The following C8orf34 variants were observed in gnomAD, a reference collection of about 807,000 sequenced individuals.
C8orf34 encodes the protein uncharacterized protein C8orf34.
Under a neutral mutation model 68.3 loss-of-function variants are expected in C8orf34, and 65 were observed. The observed-to-expected ratio is 0.95, with a 90% CI of 0.78 to 1.17. The LOEUF is 1.17. Among genes scored for constraint, C8orf34 ranks in the 50% most tolerant of loss-of-function variants. The probability of loss-of-function intolerance (pLI) is 0.00; values close to 1 mark genes in which losing one functional copy is unlikely to be tolerated. For missense variants in C8orf34, 664 were observed against 655.4 expected (o/e 1.01, Z -0.14); for synonymous variants, 244 against 241.2 (o/e 1.01, Z -0.11).
chr8:68,457,521 G>A (rs1009479603), intron 3 of C8orf34, among the ~76,000 whole-genome samples: 9 of 152,136 alleles, frequency 5.9e-5, no homozygotes, highest in African/African-American at 1.9e-4. Flanking sequence ...TATATAGGCA[G>A]TATCTCAAAT....
chr8:68,813,517 T>A (rs1824719009), intron 12 of C8orf34, among the ~76,000 whole-genome samples: 1 of 152,288 alleles, frequency 6.6e-6, no homozygotes, highest in African/African-American at 2.4e-5. Context: ...GATTGGCAAA[T>A]TGATTGTTCT....
intron 6 of C8orf34, among the ~76,000 whole-genome samples, chr8:68,528,605 G>C (rs1217230928): frequency 1.3e-5 from 2 of 152,184 alleles, no homozygotes. Flanking sequence ...ACCTAGGCTA[G>C]AGAAGGACAC....
chr8:68,551,985 T>A (rs1586362521), intron 7 of C8orf34, among the ~76,000 whole-genome samples: 1 of 152,176 alleles, frequency 6.6e-6, no homozygotes, highest in East Asian at 1.9e-4. Context: ...TGTCAAAAGA[T>A]GAATTTTTTC....
chr8:68,445,798 C>T (rs141469643), intron 2 of C8orf34, among the ~76,000 whole-genome samples: 2 of 151,956 alleles, frequency 1.3e-5, no homozygotes, highest in Non-Finnish European at 2.9e-5. Context: ...AAATTAATTT[C>T]CTGTTTTTTC....
chr8:68,470,151 G>A (rs1812321820), intron 4 of C8orf34, among the ~76,000 whole-genome samples: 1 of 152,022 alleles, frequency 6.6e-6, no homozygotes, highest in South Asian at 2.1e-4. Context: ...TAAGAGTAAA[G>A]TGAGTTTTTG....
At chr8:68,782,431 CTTTT>C (rs10539738) in intron 11 of C8orf34, among the ~76,000 whole-genome samples, 8 of 138,642 alleles carry the variant, frequency 5.8e-5, no homozygotes, top group Admixed American at 7.2e-5. Flanking sequence ...GATTGAGTGT[CTTTT>C]TTTTTTTTTT....
chr8:68,589,624 AAAG>A (rs947746863), intron 7 of C8orf34, among the ~76,000 whole-genome samples: 11 of 132,766 alleles, frequency 8.3e-5, no homozygotes, highest in Admixed American at 3.7e-4. Flanking sequence ...AGAGAAGAAG[AAAG>A]AAGGAGGAGA....
chr8:68,758,234 C>T (rs1276471747), intron 10 of C8orf34, among the ~76,000 whole-genome samples: 1 of 152,132 alleles, frequency 6.6e-6, no homozygotes, highest in African/African-American at 2.4e-5. Flanking sequence ...AAACAAATGG[C>T]TCATATATTT....
intron 3 of C8orf34, among the ~76,000 whole-genome samples, chr8:68,460,300 C>G (rs561794824): frequency 2.1e-3 from 321 of 152,322 alleles, no homozygotes; most frequent in African/African-American, 6.9e-3. Flanking sequence ...GCTCGAACTG[C>G]TTGGAGCCCA....
Position 68,787,640 on chromosome 8 carries a change from A to C in C8orf34, c.1549+104A>C, listed in dbSNP as rs1320532600. On this transcript the variant is annotated intron_variant, in intron 12 of 13. Coordinates refer to ENST00000518698, the MANE Select transcript of C8orf34 (RefSeq NM_052958.4). ...CAATAAACAACTTCTGTAAAAAAAA[A>C]AAAATCCAGACTCTGTTAGGAAGAA... 1.1e-5 allele frequency: 8 copies of C among 724,690 alleles called. No individual in the cohort carries two copies. In the East Asian group the frequency reaches 2.3e-4, roughly 21 times the overall value. The allele number at this position is 724,690 out of a possible 1,614,324, so 44.9% of individuals were successfully genotyped here.
chr8:68,708,397 A>G (rs1821234034), intron 8 of C8orf34, among the ~76,000 whole-genome samples: 1 of 152,200 alleles, frequency 6.6e-6, no homozygotes, highest in South Asian at 2.1e-4. Flanking sequence ...CAACTTATAT[A>G]ACAGTATAAC....
At chr8:68,602,540 C>A (rs1374120936) in intron 7 of C8orf34, among the ~76,000 whole-genome samples, 1 of 151,946 alleles carries the variant, frequency 6.6e-6, no homozygotes, top group African/African-American at 2.4e-5. Flanking sequence ...TGAGGGTAAC[C>A]ACCCCCATGA....
intron 10 of C8orf34, among the ~76,000 whole-genome samples, chr8:68,749,563 C>G (rs1822635614): frequency 1.4e-5 from 2 of 138,362 alleles, no homozygotes. Context: ...TGTCATCACC[C>G]CAGCAAGATT....
At chr8:68,642,234 A>G (rs1819033162) in intron 8 of C8orf34, among the ~76,000 whole-genome samples, 1 of 152,174 alleles carries the variant, frequency 6.6e-6, no homozygotes, top group African/African-American at 2.4e-5. Flanking sequence ...ATAGAAAGAG[A>G]TTTAGGTGTT....
chr8:68,440,665 G>T (rs1810861869), intron 2 of C8orf34, among the ~76,000 whole-genome samples: 2 of 152,148 alleles, frequency 1.3e-5, no homozygotes, highest in African/African-American at 4.8e-5. Context: ...GGGTAGGTAG[G>T]CAGGGGCTTT....
chr8:68,761,442 G>A (rs929183678), intron 10 of C8orf34, among the ~76,000 whole-genome samples: 2 of 152,066 alleles, frequency 1.3e-5, no homozygotes, highest in Admixed American at 6.6e-5. Flanking sequence ...AAAAAAAATT[G>A]TCTCCCTGAA....
rs568974925 is a variant in C8orf34, at chr8:68,452,985, A to G, written c.607+6525A>G. Among the ~76,000 whole-genome samples the G allele has an allele frequency of 5.9e-5, 9 of 152,022 alleles. No homozygotes were observed. The South Asian group carries it at 1.9e-3, about 31-fold the overall frequency. The stretch of plus-strand genomic sequence containing the variant: ...TCCAACTCCATTTTTTGCCATGTGG[A>G]TAATCAGTTGTCTCAGTACCAATTT... On this transcript the variant is annotated intron_variant, in intron 3 of 13. Transcript: ENST00000518698.
chr8:68,600,851 A>G (rs1817677013), intron 7 of C8orf34, among the ~76,000 whole-genome samples: 1 of 152,196 alleles, frequency 6.6e-6, no homozygotes. Flanking sequence ...ATCAAACCTT[A>G]GAACTTGCTC....
intron 1 of C8orf34, among the ~76,000 whole-genome samples, chr8:68,400,961 T>A (rs1392550682): frequency 2.6e-5 from 4 of 152,212 alleles, no homozygotes; most frequent in Non-Finnish European, 5.9e-5. Flanking sequence ...TGTAGATTGC[T>A]TGGGCAGTGT....
Sources: allele counts gnomAD v4.1 joint callset (sites outside exome capture counted in the v4.1 genomes callset), GRCh38; gene constraint gnomAD v4.1.1; transcripts MANE v1.5; gene names NCBI Gene and HGNC (gene_info 2026-07-23, HGNC 2026-07-21).